JAZF1: variants seen among roughly 807,000 people sequenced by gnomAD.
The protein encoded by JAZF1 is juxtaposed with another zinc finger protein 1.
Under a neutral mutation model 26.4 loss-of-function variants are expected in JAZF1, and 8 were observed. The ratio of observed to expected loss-of-function variants is 0.30; its 90% confidence interval spans 0.18 to 0.55. The LOEUF is 0.55. Among genes scored for constraint, JAZF1 ranks in the 20% least tolerant of loss-of-function variants. The pLI, the probability that JAZF1 is intolerant of heterozygous loss-of-function variation, is 0.94. For synonymous variants in JAZF1, 126 were observed against 122.3 expected, an observed-to-expected ratio of 1.03 and a Z score of -0.20; for missense variants, 199 against 322.0, an observed-to-expected ratio of 0.62 and a Z score of 2.92.
At chr7:28,014,356 A>G (rs1053143286) in intron 1 of JAZF1, among the ~76,000 whole-genome samples, 1 of 152,202 alleles carries the variant, frequency 6.6e-6, no homozygotes, top group Non-Finnish European at 1.5e-5. Context: ...CTGATGAACC[A>G]TCTTATGGGT....
At chr7:28,102,755 C>T (rs1346805377) in intron 1 of JAZF1, among the ~76,000 whole-genome samples, 3 of 152,112 alleles carry the variant, frequency 2.0e-5, no homozygotes, top group African/African-American at 7.2e-5. Context: ...AGCATACACT[C>T]CATAGTTATA....
Position 27,924,159 on chromosome 7 carries a change from A to T in JAZF1, c.189-28743T>A, listed in dbSNP as rs117869645. 9.8e-4 allele frequency among the ~76,000 whole-genome samples: 149 copies of T among 152,158 alleles called. 2 individuals carry two copies. The East Asian group carries it at 0.027, about 28-fold the overall frequency. On this transcript the variant is annotated intron_variant, in intron 2 of 4. Transcript: ENST00000283928. ...AGTGGCGCCATCTCGGCTCACTACA[A>T]ACTCTGTCTCCCTTGTTCAAGCAAT...
At chr7:28,104,796 G>A (rs186003954) in intron 1 of JAZF1, among the ~76,000 whole-genome samples, 2 of 152,276 alleles carry the variant, frequency 1.3e-5, no homozygotes, top group Admixed American at 6.5e-5. Context: ...TCTTCCCATG[G>A]GGAAGAATAA....
At chr7:28,037,418 G>T (rs1330646200) in intron 1 of JAZF1, among the ~76,000 whole-genome samples, 2 of 152,114 alleles carry the variant, frequency 1.3e-5, no homozygotes, top group East Asian at 3.8e-4. Flanking sequence ...TTTAACCTTG[G>T]TCGAGTTTTA....
At chr7:28,150,220 A>T (rs1174525356) in intron 1 of JAZF1, among the ~76,000 whole-genome samples, 1 of 152,188 alleles carries the variant, frequency 6.6e-6, no homozygotes. Flanking sequence ...AGAATCTGTC[A>T]TCTTGTCAAA....
At chr7:27,970,633 A>G (rs1468716533) in intron 2 of JAZF1, among the ~76,000 whole-genome samples, 1 of 152,246 alleles carries the variant, frequency 6.6e-6, no homozygotes, top group East Asian at 1.9e-4. Context: ...TGTAGCAGAT[A>G]TCTCAAAATA....
In JAZF1 at chr7:28,106,722, GT is replaced by G. The variant is rs1326043697; in HGVS notation, c.115+73740del. On this transcript the variant is annotated intron_variant, in intron 1 of 4. Coordinates refer to ENST00000283928, the MANE Select transcript of JAZF1 (RefSeq NM_175061.4). Reference sequence around the variant, plus strand: ...AAACCAGTGAGGCAGATCACTTACGGTTTTCATACCAAGCATACCTCTGAAG... The same window carrying G: ...AAACCAGTGAGGCAGATCACTTACGGTTTCATACCAAGCATACCTCTGAAG... Among the ~76,000 whole-genome samples the G allele has an allele frequency of 3.3e-5, 5 of 152,248 alleles. No homozygotes were observed. In the East Asian group the frequency reaches 7.7e-4, roughly 24 times the overall value.
At chr7:27,879,680 A>G (rs1783734968) in intron 3 of JAZF1, among the ~76,000 whole-genome samples, 1 of 152,178 alleles carries the variant, frequency 6.6e-6, no homozygotes, top group South Asian at 2.1e-4. Context: ...CAAAAACACC[A>G]TCCTACATTT....
intron 1 of JAZF1, among the ~76,000 whole-genome samples, chr7:28,035,532 A>G (rs1007805332): frequency 2.6e-5 from 4 of 152,090 alleles, no homozygotes; most frequent in African/African-American, 9.7e-5. Context: ...AACTCTTAAA[A>G]GCAAATAATC....
chr7:27,955,397 T>C (rs1432752559), intron 2 of JAZF1, among the ~76,000 whole-genome samples: 1 of 152,206 alleles, frequency 6.6e-6, no homozygotes, highest in African/African-American at 2.4e-5. Context: ...CTGCAATGAT[T>C]TGTTTCCCTT....
At chr7:27,928,474 A>G (rs1784632181) in intron 2 of JAZF1, among the ~76,000 whole-genome samples, 1 of 152,244 alleles carries the variant, frequency 6.6e-6, no homozygotes, top group African/African-American at 2.4e-5. Flanking sequence ...GCCTTCTAAC[A>G]AAGAAGAAAA....
chr7:28,068,037 C>T (rs948428206), intron 1 of JAZF1, among the ~76,000 whole-genome samples: 4 of 152,106 alleles, frequency 2.6e-5, no homozygotes, highest in Non-Finnish European at 4.4e-5. Flanking sequence ...CCTCGGCCTC[C>T]GGAGTAGCTG....
chr7:27,907,024 C>T (rs1171591755), intron 2 of JAZF1, among the ~76,000 whole-genome samples: 1 of 151,696 alleles, frequency 6.6e-6, no homozygotes, highest in South Asian at 2.1e-4. Context: ...TCCCCATAAA[C>T]TAGAAGAAAT....
chr7:27,967,820 T>C (rs1785304327), intron 2 of JAZF1, among the ~76,000 whole-genome samples: 1 of 152,206 alleles, frequency 6.6e-6, no homozygotes, highest in African/African-American at 2.4e-5. Context: ...ATACAAATTG[T>C]TGGTAAGCAT....
At chr7:27,890,339 G>A (rs1783948204) in intron 3 of JAZF1, among the ~76,000 whole-genome samples, 1 of 152,160 alleles carries the variant, frequency 6.6e-6, no homozygotes, top group Non-Finnish European at 1.5e-5. Flanking sequence ...AGAAACCCTG[G>A]CTGAATGAAA....
intron 3 of JAZF1, among the ~76,000 whole-genome samples, chr7:27,886,896 T>C (rs1022127422): frequency 2.6e-5 from 4 of 152,304 alleles, no homozygotes; most frequent in Admixed American, 6.5e-5. Flanking sequence ...GTGGTACGTA[T>C]ACACCATGGC....
intron 3 of JAZF1, among the ~76,000 whole-genome samples, chr7:27,888,540 C>G (rs1176931437): frequency 1.3e-5 from 2 of 152,056 alleles, no homozygotes; most frequent in Non-Finnish European, 2.9e-5. Context: ...TTCTATCAGT[C>G]CTGTAAGTCT....
At chr7:27,894,912 G>A (rs1784033044) in intron 3 of JAZF1, among the ~76,000 whole-genome samples, 1 of 152,010 alleles carries the variant, frequency 6.6e-6, no homozygotes, top group Non-Finnish European at 1.5e-5. Flanking sequence ...TTGTAAATCG[G>A]GTGATGAAAT....
At chr7:27,897,155 C>T (rs372709648) in intron 2 of JAZF1, among the ~76,000 whole-genome samples, 15 of 152,136 alleles carry the variant, frequency 9.9e-5, no homozygotes, top group Admixed American at 5.2e-4. Context: ...GTATGCAGTG[C>T]GCCAGGGAGT....
Sources: allele counts gnomAD v4.1 joint callset (sites outside exome capture counted in the v4.1 genomes callset), GRCh38; gene constraint gnomAD v4.1.1; transcripts MANE v1.5; gene names NCBI Gene and HGNC (gene_info 2026-07-23, HGNC 2026-07-21).